Variants in DIPK1A observed in about 807,000 individuals in gnomAD.
DIPK1A encodes the protein family with sequence similarity 69 member A.
Under a neutral mutation model 40.8 loss-of-function variants are expected in DIPK1A, and 27 were observed. That is an observed-to-expected ratio of 0.66 (90% CI 0.49 to 0.91). DIPK1A has a LOEUF of 0.91. Among genes scored for constraint, DIPK1A ranks in the 40% least tolerant of loss-of-function variants. The pLI is 0.00. For missense variants in DIPK1A, 412 were observed against 505.7 expected, an observed-to-expected ratio of 0.81 and a Z score of 1.78; for synonymous variants, 166 against 171.3, an observed-to-expected ratio of 0.97 and a Z score of 0.24.
chr1:92,958,566 C>G (rs1379017346), intron 1 of DIPK1A, among the ~76,000 whole-genome samples: 1 of 152,162 alleles, frequency 6.6e-6, no homozygotes, highest in Non-Finnish European at 1.5e-5. Context: ...CCAAACAGAA[C>G]AAGATCTCTT....
At chr1:92,912,003 CAAAAAAAAA>C (rs5776162) in intron 1 of DIPK1A, among the ~76,000 whole-genome samples, 1 of 43,672 alleles carries the variant, frequency 2.3e-5, no homozygotes, top group South Asian at 1.7e-3. Context: ...GACTCCATCT[CAAAAAAAAA>C]AAAAAAAAAA....
chr1:92,943,422 C>A (rs143193653), intron 1 of DIPK1A, among the ~76,000 whole-genome samples: 22 of 152,172 alleles, frequency 1.4e-4, no homozygotes, highest in Non-Finnish European at 2.5e-4. Flanking sequence ...TCCGAGCCAA[C>A]AGGTACAAGG....
chr1:92,840,908 T>C (rs1687339728), downstream of DIPK1A: 2 of 566,482 alleles, frequency 3.5e-6, no homozygotes, highest in Admixed American at 2.1e-5. Context: ...TGTTGATCTT[T>C]CATGTTTTGA....
chr1:92,945,631 G>A (rs751400726), intron 1 of DIPK1A, among the ~76,000 whole-genome samples: 18 of 151,870 alleles, frequency 1.2e-4, no homozygotes, highest in Non-Finnish European at 2.6e-4. Flanking sequence ...AGAAAGAGTG[G>A]CCAAAAGTAT....
At chr1:92,947,005 A>G (rs1651393576) in intron 1 of DIPK1A, among the ~76,000 whole-genome samples, 4 of 151,920 alleles carry the variant, frequency 2.6e-5, no homozygotes, top group Admixed American at 2.6e-4. Flanking sequence ...GTGATCTCCA[A>G]ATTTTTTTGA....
At chr1:92,846,667 C>T (rs748831337) in intron 4 of DIPK1A, 14 of 379,344 alleles carry the variant, frequency 3.7e-5, no homozygotes, top group African/African-American at 4.7e-5. Context: ...CTCACTTTGT[C>T]GTCCAGGCTG....
In DIPK1A at chr1:92,844,053, A is replaced by G. The variant is rs1687493129; in HGVS notation, c.617T>C (p.Met206Thr). Residue 206 changes from methionine (M) to threonine (T), a missense_variant, in exon 5 of 5, where the codon ATG becomes ACG. Transcript: ENST00000370310. Reference sequence around the variant, plus strand: ...ATGTTCTTTATCTTGAAGTATCACCATGAGAAGAAATTCATTCAGTTGAAG... The same window carrying G: ...ATGTTCTTTATCTTGAAGTATCACCGTGAGAAGAAATTCATTCAGTTGAAG... ...ALLQLNEFLL[M>T]VILQDKEHTP... 1.3e-6 allele frequency: 2 copies of G among 1,552,032 alleles called. No homozygotes were observed. Among genetic ancestry groups the G allele is most frequent in the East Asian group, 4.9e-5 (2 of 40,922 alleles).
At chr1:92,937,042 A>G (rs1240532855) in intron 1 of DIPK1A, among the ~76,000 whole-genome samples, 1 of 152,232 alleles carries the variant, frequency 6.6e-6, no homozygotes, top group African/African-American at 2.4e-5. Flanking sequence ...GAGTTTTACT[A>G]TGTAATAAAT....
At chr1:92,952,583 G>A (rs1031472469) in intron 1 of DIPK1A, among the ~76,000 whole-genome samples, 4 of 151,946 alleles carry the variant, frequency 2.6e-5, no homozygotes, top group Non-Finnish European at 4.4e-5. Context: ...CCATGATGAC[G>A]CCACTGCACT....
At chr1:92,894,097 G>C (rs931865362) in intron 1 of DIPK1A, among the ~76,000 whole-genome samples, 1 of 152,046 alleles carries the variant, frequency 6.6e-6, no homozygotes, top group Non-Finnish European at 1.5e-5. Context: ...AGATCAATGA[G>C]ACAGAAAGTC....
At position 92,846,813 on chromosome 1, in the gene DIPK1A, A is replaced by ATG. The variant is rs1157383975; in HGVS notation, c.474+369_474+370insCA. On this transcript the variant is annotated intron_variant, in intron 4 of 4. Transcript: ENST00000370310. ...CTGGCATATATATATATATATATAT[A>ATG]TATATATATATATATATATATATAT... Among the ~76,000 whole-genome samples, 2 of 3,652 alleles carry ATG rather than the reference A, an allele frequency of 5.5e-4. 1 individual carries two copies. Among genetic ancestry groups the ATG allele is most frequent in the African/African-American group, 3.9e-3 (2 of 518 alleles). 2.4% of individuals were successfully genotyped at this position (3,652 alleles called of 152,430 possible). A position where few individuals can be genotyped will look rare whatever the true frequency, so the allele number is the denominator to read the frequency against.
At chr1:92,959,244 C>A (rs762744593) in intron 1 of DIPK1A, among the ~76,000 whole-genome samples, 10 of 151,848 alleles carry the variant, frequency 6.6e-5, no homozygotes, top group Non-Finnish European at 1.2e-4. Context: ...CCAGATGGCA[C>A]CACTGCACTC....
chr1:92,896,857 C>T (rs1483664244), intron 1 of DIPK1A, among the ~76,000 whole-genome samples: 1 of 151,402 alleles, frequency 6.6e-6, no homozygotes, highest in Non-Finnish European at 1.5e-5. Flanking sequence ...TATGAACAGA[C>T]ACTTCTCAAA....
rs1021718202 is a variant in DIPK1A, at chr1:92,882,591, C to T, written c.55-6161G>A. Among the ~76,000 whole-genome samples, 10 of 152,320 alleles carry T rather than the reference C, an allele frequency of 6.6e-5. 1 individual carries two copies. Among genetic ancestry groups the T allele is most frequent in the Admixed American group, 3.9e-4 (6 of 15,304 alleles). Reference sequence around the variant, plus strand: ...CAAGTAGAAGCATATTCTATTTCGACTTGCATCCTTCTCTTAGCATTATGA... The same window carrying T: ...CAAGTAGAAGCATATTCTATTTCGATTTGCATCCTTCTCTTAGCATTATGA... On this transcript the variant is annotated intron_variant, in intron 1 of 4. Coordinates refer to ENST00000370310, the MANE Select transcript of DIPK1A (RefSeq NM_001006605.5).
chr1:92,936,815 T>C (rs958932936), intron 1 of DIPK1A, among the ~76,000 whole-genome samples: 1 of 152,176 alleles, frequency 6.6e-6, no homozygotes, highest in African/African-American at 2.4e-5. Context: ...TCCTGTTTAA[T>C]ACACAGGTCA....
chr1:92,919,608 T>G (rs139855405), intron 1 of DIPK1A, among the ~76,000 whole-genome samples: 8 of 152,348 alleles, frequency 5.3e-5, no homozygotes, highest in Non-Finnish European at 1.0e-4. Context: ...GAACACACTT[T>G]GATTATTACT....
At chr1:92,849,470 C>T (rs1299410413) in intron 3 of DIPK1A, among the ~76,000 whole-genome samples, 1 of 151,916 alleles carries the variant, frequency 6.6e-6, no homozygotes, top group African/African-American at 2.4e-5. Flanking sequence ...ACCTCAGCCT[C>T]CCGAGTAGCT....
chr1:92,894,443 C>A (rs1157456449), intron 1 of DIPK1A, among the ~76,000 whole-genome samples: 1 of 152,060 alleles, frequency 6.6e-6, no homozygotes, highest in African/African-American at 2.4e-5. Context: ...TAAAGATGTT[C>A]TTTGAAACCA....
At chr1:92,889,022 A>G (rs185150560) in intron 1 of DIPK1A, among the ~76,000 whole-genome samples, 240 of 152,106 alleles carry the variant, frequency 1.6e-3, no homozygotes, top group Non-Finnish European at 2.4e-3. Context: ...TTTGTTTGAT[A>G]TAATCCCATT....
Sources: allele counts gnomAD v4.1 joint callset (sites outside exome capture counted in the v4.1 genomes callset), GRCh38; gene constraint gnomAD v4.1.1; transcripts MANE v1.5; gene names NCBI Gene and HGNC (gene_info 2026-07-23, HGNC 2026-07-21).